ARHGAP20: variants seen among roughly 807,000 people sequenced by gnomAD.
ARHGAP20 encodes the protein rho GTPase-activating protein 20.
Under a neutral mutation model 73.7 loss-of-function variants are expected in ARHGAP20, and 34 were observed. The ratio of observed to expected loss-of-function variants is 0.46; its 90% CI spans 0.35 to 0.61. ARHGAP20 has a LOEUF of 0.61. Among genes scored for constraint, ARHGAP20 ranks in the 20% least tolerant of loss-of-function variants. The probability of loss-of-function intolerance (pLI) is 0.00; values close to 1 mark genes in which losing one functional copy is unlikely to be tolerated. For missense variants in ARHGAP20, 1,314 were observed against 1,420.9 expected (o/e 0.92, Z 1.21); for synonymous variants, 523 against 518.2 (o/e 1.01, Z -0.13).
intron 2 of ARHGAP20, among the ~76,000 whole-genome samples, chr11:110,652,731 C>A (rs996733870): frequency 7.2e-5 from 11 of 151,960 alleles, no homozygotes; most frequent in African/African-American, 2.4e-4. Context: ...TCAAGGAAAT[C>A]AGAGAGAACA....
At chr11:110,707,183 T>C (rs1320573712) in intron 1 of ARHGAP20, among the ~76,000 whole-genome samples, 2 of 152,126 alleles carry the variant, frequency 1.3e-5, no homozygotes, top group East Asian at 1.9e-4. Flanking sequence ...ATAAGTCTCT[T>C]TTCCCCCATT....
intron 12 of ARHGAP20, 115 bp from the exon 13 acceptor site, chr11:110,583,852 C>T (rs907811592): frequency 7.3e-6 from 6 of 826,750 alleles, no homozygotes; most frequent in Middle Eastern, 3.9e-4. Flanking sequence ...TTCAGATATG[C>T]AAGAGTTTCA....
At chr11:110,632,554 A>G (rs1489704930) in intron 2 of ARHGAP20, among the ~76,000 whole-genome samples, 6 of 151,952 alleles carry the variant, frequency 3.9e-5, no homozygotes, top group African/African-American at 1.5e-4. Flanking sequence ...ACAGGCATGC[A>G]CCACCACGCC....
At chr11:110,613,185 T>C (rs1948407934) in intron 6 of ARHGAP20, among the ~76,000 whole-genome samples, 1 of 152,166 alleles carries the variant, frequency 6.6e-6, no homozygotes, top group South Asian at 2.1e-4. Context: ...ACAAAACAAA[T>C]GAATTTCAGC....
intron 2 of ARHGAP20, among the ~76,000 whole-genome samples, chr11:110,645,240 A>C (rs1342473369): frequency 2.0e-5 from 3 of 152,014 alleles, no homozygotes; most frequent in Admixed American, 1.3e-4. Context: ...CAACTCCTGC[A>C]TCAAGTCATC....
At chr11:110,651,959 A>G (rs1421027397) in intron 2 of ARHGAP20, among the ~76,000 whole-genome samples, 1 of 151,988 alleles carries the variant, frequency 6.6e-6, no homozygotes. Flanking sequence ...AGGTCAATAT[A>G]CCTGATGAAC....
At chr11:110,623,524 C>G (rs1948672910) in intron 4 of ARHGAP20, among the ~76,000 whole-genome samples, 1 of 152,170 alleles carries the variant, frequency 6.6e-6, no homozygotes. Flanking sequence ...CATACATTTG[C>G]TTTTTATTGT....
rs548699315 is a variant in ARHGAP20 at position 110,711,891 on chromosome 11, G to C, written c.105+236C>G. 2.6e-5 allele frequency: 34 copies of C among 1,305,962 alleles called. 1 individual carries two copies. In the East Asian group the frequency reaches 8.8e-4, roughly 34 times the overall value. The allele number at this position is 1,305,962 out of a possible 1,614,324, so 80.9% of individuals were successfully genotyped here. On this transcript the variant is annotated intron_variant, in intron 1 of 14. Transcript: ENST00000683387. ...CGGGAGGGAGGCTGCGAGGTCGCTC[G>C]AGGAGAGACTAAGGCTCTAGAAACG...
chr11:110,597,703 CTA>C (rs955566301), intron 9 of ARHGAP20, among the ~76,000 whole-genome samples: 1 of 152,180 alleles, frequency 6.6e-6, no homozygotes, highest in Non-Finnish European at 1.5e-5. Flanking sequence ...CTCAGCTACC[CTA>C]TGAGTGTTGA....
At chr11:110,582,226 G>A in intron 14 of ARHGAP20, 95 bp downstream of exon 14, 1 of 1,015,816 alleles carries the variant, frequency 9.8e-7, no homozygotes. Flanking sequence ...TTTCACTTCA[G>A]CTGCTGTGGG....
intron 2 of ARHGAP20, among the ~76,000 whole-genome samples, chr11:110,643,206 T>C (rs553438635): frequency 2.0e-5 from 3 of 152,248 alleles, no homozygotes; most frequent in East Asian, 3.9e-4. Flanking sequence ...ATCTTGTTTA[T>C]TCTTTCAAAA....
intron 2 of ARHGAP20, 62 bp downstream of exon 2, chr11:110,690,485 T>A: frequency 6.8e-7 from 1 of 1,467,020 alleles, no homozygotes; most frequent in Non-Finnish European, 9.5e-7. Flanking sequence ...TCTGAAAAAC[T>A]CTTCATCTAA....
chr11:110,682,447 T>C (rs1950055042), intron 2 of ARHGAP20, among the ~76,000 whole-genome samples: 1 of 152,198 alleles, frequency 6.6e-6, no homozygotes, highest in African/African-American at 2.4e-5. Flanking sequence ...TACCAGGATT[T>C]AGACCTGGCA....
At chr11:110,673,401 T>C (rs1359899240) in intron 2 of ARHGAP20, among the ~76,000 whole-genome samples, 1 of 152,098 alleles carries the variant, frequency 6.6e-6, no homozygotes, top group Non-Finnish European at 1.5e-5. Context: ...TTAGCTACAT[T>C]GTCAAGTCAT....
chr11:110,631,376 C>T (rs894640975), intron 2 of ARHGAP20, among the ~76,000 whole-genome samples: 1 of 152,206 alleles, frequency 6.6e-6, no homozygotes, highest in African/African-American at 2.4e-5. Context: ...AATATAGTCT[C>T]TATGGATTGG....
At chr11:110,706,057 C>T (rs570623596) in intron 1 of ARHGAP20, among the ~76,000 whole-genome samples, 1 of 152,200 alleles carries the variant, frequency 6.6e-6, no homozygotes, top group South Asian at 2.1e-4. Flanking sequence ...CTAATGGTAG[C>T]AGTGAACATA....
intron 3 of ARHGAP20, 95 bp from the exon 4 acceptor site, chr11:110,624,406 A>G: frequency 9.5e-7 from 1 of 1,053,450 alleles, no homozygotes; most frequent in Non-Finnish European, 1.3e-6. Context: ...GCAAACTAAC[A>G]CAGGTACAGA....
rs1466474656 is a variant in ARHGAP20, at chr11:110,712,390, G to A, written c.-159C>T. Reference sequence around the variant, plus strand: ...TGCTCGCCGCGCGCCTCCCGTCGGGGCCATGTACCTCCGCCTGCGCTCGAC... The same window carrying A: ...TGCTCGCCGCGCGCCTCCCGTCGGGACCATGTACCTCCGCCTGCGCTCGAC... On this transcript the variant is annotated 5_prime_UTR_variant, in exon 1 of 15. Coordinates refer to ENST00000683387, the MANE Select transcript of ARHGAP20 (RefSeq NM_001384657.1). 2.8e-5 allele frequency: 12 copies of A among 430,550 alleles called. No individual in the cohort carries two copies. Among genetic ancestry groups the A allele is most frequent in the Non-Finnish European group, 4.2e-5 (11 of 262,690 alleles). 26.7% of individuals were successfully genotyped at this position (430,550 alleles called of 1,614,324 possible).
intron 11 of ARHGAP20, among the ~76,000 whole-genome samples, chr11:110,587,521 C>G (rs936173925): frequency 6.6e-6 from 1 of 152,176 alleles, no homozygotes; most frequent in Non-Finnish European, 1.5e-5. Context: ...TTGTTACAAT[C>G]AGCTGATTAT....
Sources: gnomAD v4.1 joint callset for allele counts (sites outside exome capture counted in the v4.1 genomes callset) on GRCh38, gnomAD v4.1.1 for gene constraint, MANE v1.5 for transcripts, NCBI Gene and HGNC (gene_info 2026-07-23, HGNC 2026-07-21) for gene names.